The following TENM1 variants were observed in gnomAD, a reference collection of about 807,000 sequenced individuals.
The protein encoded by TENM1 is teneurin-1.
TENM1 carries 35 observed loss-of-function variants against 174.8 expected under a neutral mutation model. The observed-to-expected ratio is 0.20, with a 90% CI of 0.15 to 0.27. TENM1 has a LOEUF of 0.27. Among genes scored for constraint, TENM1 ranks in the 10% least tolerant of loss-of-function variants. The pLI is 1.00. For synonymous variants in TENM1, 781 were observed against 798.7 expected (o/e 0.98, Z 0.37); for missense variants, 1,633 against 2,130.1 (o/e 0.77, Z 4.59).
intron 11 of TENM1, among the ~76,000 whole-genome samples, chrX:124,620,827 G>C (rs922066381): frequency 8.9e-6 from 1 of 111,879 alleles, no homozygotes; most frequent in Non-Finnish European, 1.9e-5. Flanking sequence ...GAAATGATTC[G>C]TCTTATCTTA....
chrX:124,929,565 C>G (rs947468946), intron 1 of TENM1, among the ~76,000 whole-genome samples: 1 of 111,975 alleles, frequency 8.9e-6, no homozygotes, highest in Non-Finnish European at 1.9e-5. Flanking sequence ...AATTCACCTG[C>G]AGGAAAGGGA....
intron 18 of TENM1, among the ~76,000 whole-genome samples, chrX:124,506,102 C>G (rs965507240): frequency 9.0e-6 from 1 of 111,678 alleles, no homozygotes; most frequent in African/African-American, 3.3e-5. Context: ...TCCCTTAAAG[C>G]CATCATCTCC....
chrX:125,046,065 A>G, the TENM1 span, among the ~76,000 whole-genome samples: 1 of 111,475 alleles, frequency 9.0e-6, no homozygotes, highest in African/African-American at 3.3e-5. Context: ...GAAACAAAAA[A>G]ATATTTAAAC....
At chrX:124,718,231 G>A (rs1409131065) in intron 4 of TENM1, among the ~76,000 whole-genome samples, 1 of 112,445 alleles carries the variant, frequency 8.9e-6, no homozygotes, top group Non-Finnish European at 1.9e-5. Context: ...AGAATGAAGA[G>A]TATAAGAGAA....
chrX:124,399,342 T>C (rs563154273), intron 27 of TENM1, among the ~76,000 whole-genome samples: 1 of 112,429 alleles, frequency 8.9e-6, no homozygotes, highest in South Asian at 3.7e-4. Context: ...GCTGCTGTTA[T>C]GGTTAATACT....
chrX:124,753,557 G>C (rs1306816511), intron 3 of TENM1, among the ~76,000 whole-genome samples: 16 of 97,028 alleles, frequency 1.6e-4, no homozygotes, highest in Admixed American at 4.6e-4. Context: ...GGGCATCCCT[G>C]TCTTGTGCCA....
At chrX:124,877,682 T>C (rs920231580) in intron 3 of TENM1, among the ~76,000 whole-genome samples, 2 of 111,080 alleles carry the variant, frequency 1.8e-5, no homozygotes, top group African/African-American at 3.3e-5. Context: ...TTGGAACTGA[T>C]TTATTTATAG....
chrX:125,091,474 CAACT>C, the TENM1 span, among the ~76,000 whole-genome samples: 1 of 111,451 alleles, frequency 9.0e-6, no homozygotes, highest in East Asian at 2.8e-4. Context: ...GCAGCATAGC[CAACT>C]AACAGGAAAC....
At chrX:124,697,609 T>C (rs1238928467) in intron 5 of TENM1, among the ~76,000 whole-genome samples, 1 of 111,270 alleles carries the variant, frequency 9.0e-6, no homozygotes, top group Non-Finnish European at 1.9e-5. Flanking sequence ...AAAGAGCTTT[T>C]GGTGACATGA....
chrX:124,715,655 CTTCT>C (rs1163898505), intron 4 of TENM1, among the ~76,000 whole-genome samples: 1 of 82,845 alleles, frequency 1.2e-5, no homozygotes, highest in Non-Finnish European at 2.4e-5. Context: ...TCTTTTCTTT[CTTCT>C]TTCTTTCTTT....
At chrX:124,472,508 G>T (rs2061347217) in intron 22 of TENM1, among the ~76,000 whole-genome samples, 1 of 107,116 alleles carries the variant, frequency 9.3e-6, no homozygotes, top group Non-Finnish European at 1.9e-5. Flanking sequence ...GGGCTGAAGT[G>T]GCCAAAAATG....
intron 3 of TENM1, among the ~76,000 whole-genome samples, chrX:124,805,312 T>G (rs2055564669): frequency 8.9e-6 from 1 of 111,953 alleles, no homozygotes; most frequent in Non-Finnish European, 1.9e-5. Flanking sequence ...GCAAATACGT[T>G]GAGGAGTCAT....
intron 1 of TENM1, among the ~76,000 whole-genome samples, chrX:124,915,888 T>C (rs745798861): frequency 3.6e-5 from 4 of 112,430 alleles, no homozygotes; most frequent in South Asian, 3.7e-4. Context: ...CTACAGGCAA[T>C]AGAGAACAAC....
the TENM1 span, among the ~76,000 whole-genome samples, chrX:125,165,418 A>G: frequency 1.8e-5 from 2 of 111,959 alleles, no homozygotes; most frequent in African/African-American, 6.5e-5. Flanking sequence ...CTCCATAGGA[A>G]GCCTAAATTA....
chrX:124,929,098 T>C (rs143037172), intron 1 of TENM1, among the ~76,000 whole-genome samples: 1,139 of 111,667 alleles, frequency 0.01, 7 homozygotes, highest in African/African-American at 0.035. Flanking sequence ...GTGCATAGAT[T>C]TCCTTCCTTT....
intron 11 of TENM1, among the ~76,000 whole-genome samples, chrX:124,619,239 T>C (rs925614523): frequency 3.6e-5 from 4 of 112,307 alleles, no homozygotes; most frequent in Non-Finnish European, 1.9e-5. Flanking sequence ...TAACCCCTAA[T>C]ATCTCTTTAA....
the TENM1 span, among the ~76,000 whole-genome samples, chrX:125,039,446 T>C: frequency 9.0e-6 from 1 of 110,828 alleles, no homozygotes; most frequent in African/African-American, 3.3e-5. Context: ...TCTCTACAGG[T>C]GGCCCCCAAA....
intron 3 of TENM1, among the ~76,000 whole-genome samples, chrX:124,881,217 A>T: frequency 9.0e-6 from 1 of 111,211 alleles, no homozygotes; most frequent in East Asian, 2.8e-4. Flanking sequence ...CTCATTTTTG[A>T]TCTGTTCAGG....
chrX:124,722,323 A>G (rs2053329333), intron 4 of TENM1, among the ~76,000 whole-genome samples: 1 of 111,853 alleles, frequency 8.9e-6, no homozygotes, highest in Admixed American at 9.4e-5. Context: ...TTCTTCAGTA[A>G]CAAGGGACCG....
Sources: allele counts gnomAD v4.1 joint callset (sites outside exome capture counted in the v4.1 genomes callset), GRCh38; gene constraint gnomAD v4.1.1; transcripts MANE v1.5; gene names NCBI Gene and HGNC (gene_info 2026-07-23, HGNC 2026-07-21).